MSRA: variants seen among roughly 807,000 people sequenced by gnomAD.
The protein encoded by MSRA is mitochondrial peptide methionine sulfoxide reductase.
MSRA carries 54 observed loss-of-function variants against 31.3 expected under a neutral mutation model. That is an observed-to-expected ratio of 1.73 (90% confidence interval 1.39 to 2.17). MSRA has a LOEUF of 2.17. MSRA is among the 30% of genes most tolerant of loss of function. The probability of loss-of-function intolerance (pLI) is 0.00; values close to 1 mark genes in which losing one functional copy is unlikely to be tolerated. For missense variants in MSRA, 507 were observed against 300.9 expected (o/e 1.69, Z -5.07); for synonymous variants, 169 against 116.5 (o/e 1.45, Z -2.90).
chr8:10,238,587 G>T (rs996672099), intron 2 of MSRA, among the ~76,000 whole-genome samples: 1 of 152,164 alleles, frequency 6.6e-6, no homozygotes, highest in Non-Finnish European at 1.5e-5. Flanking sequence ...TGAATGGAGC[G>T]TAACAGAAAG....
chr8:10,127,019 G>A (rs1437382535), intron 1 of MSRA, among the ~76,000 whole-genome samples: 1 of 152,216 alleles, frequency 6.6e-6, no homozygotes, highest in Non-Finnish European at 1.5e-5. Context: ...GCTAGGGGTT[G>A]GGGACCCCTG....
intron 1 of MSRA, among the ~76,000 whole-genome samples, chr8:10,156,727 T>C (rs1804185055): frequency 6.6e-6 from 1 of 151,996 alleles, no homozygotes; most frequent in Admixed American, 6.6e-5. Flanking sequence ...TCACTTCTTT[T>C]GACCAGTGGT....
At chr8:10,107,370 C>T (rs1037836998) in intron 1 of MSRA, among the ~76,000 whole-genome samples, 3 of 151,844 alleles carry the variant, frequency 2.0e-5, no homozygotes, top group African/African-American at 7.3e-5. Context: ...GTAACCAAAC[C>T]GATGAAAATC....
intron 5 of MSRA, among the ~76,000 whole-genome samples, chr8:10,418,644 G>A (rs1037457098): frequency 2.0e-5 from 3 of 151,958 alleles, no homozygotes; most frequent in East Asian, 1.9e-4. Context: ...ACTATTGTAC[G>A]TTCAGGTTCC....
At chr8:10,141,987 T>G (rs913134879) in intron 1 of MSRA, among the ~76,000 whole-genome samples, 1 of 152,162 alleles carries the variant, frequency 6.6e-6, no homozygotes, top group Non-Finnish European at 1.5e-5. Context: ...AGATGGAGTT[T>G]CGCACTTGTT....
intron 5 of MSRA, among the ~76,000 whole-genome samples, chr8:10,390,689 T>A (rs1447455241): frequency 6.6e-6 from 1 of 152,150 alleles, no homozygotes; most frequent in Admixed American, 6.5e-5. Flanking sequence ...GCCGCATTGT[T>A]TCTGTGTGTA....
intron 1 of MSRA, among the ~76,000 whole-genome samples, chr8:10,190,564 C>T (rs1431374702): frequency 6.6e-6 from 1 of 152,246 alleles, no homozygotes; most frequent in Admixed American, 6.5e-5. Context: ...TTCTCCAAGA[C>T]ATCTGAGTCC....
intron 1 of MSRA, among the ~76,000 whole-genome samples, chr8:10,093,728 A>T (rs984398370): frequency 6.6e-6 from 1 of 152,086 alleles, no homozygotes. Flanking sequence ...ATATTTCTTC[A>T]TTGATTTGAT....
At chr8:10,201,699 C>T (rs1808516761) in intron 1 of MSRA, among the ~76,000 whole-genome samples, 1 of 152,256 alleles carries the variant, frequency 6.6e-6, no homozygotes, top group Non-Finnish European at 1.5e-5. Context: ...TCAGTATCAT[C>T]TTCTTAAGCT....
At chr8:10,087,152 G>A (rs1798603429) in intron 1 of MSRA, among the ~76,000 whole-genome samples, 1 of 152,118 alleles carries the variant, frequency 6.6e-6, no homozygotes, top group African/African-American at 2.4e-5. Flanking sequence ...CATCTTGAGG[G>A]TTGGAGCCTT....
At chr8:10,241,833 C>G (rs1409836954) in intron 2 of MSRA, among the ~76,000 whole-genome samples, 1 of 152,198 alleles carries the variant, frequency 6.6e-6, no homozygotes, top group African/African-American at 2.4e-5. Context: ...AAGTTGTCCT[C>G]TGAGGACGGT....
At chr8:10,423,570 C>T (rs533424289) in intron 5 of MSRA, among the ~76,000 whole-genome samples, 2 of 152,262 alleles carry the variant, frequency 1.3e-5, no homozygotes, top group African/African-American at 2.4e-5. Flanking sequence ...AGTCTTCGTC[C>T]CCTATCTCCC....
chr8:10,379,688 C>T (rs900049875), intron 5 of MSRA, among the ~76,000 whole-genome samples: 11 of 152,136 alleles, frequency 7.2e-5, no homozygotes, highest in East Asian at 3.9e-4. Flanking sequence ...TCTGGGGCCA[C>T]GTACATAACA....
rs192279023 is a variant in MSRA, at chr8:10,123,467, T to G, written c.142+68809T>G. Reference sequence around the variant, plus strand: ...AAAAATTTTCTCCCATTCTGTAGGTTGTCTGTTTACTCTGTTGATAGTTTC... The same window carrying G: ...AAAAATTTTCTCCCATTCTGTAGGTGGTCTGTTTACTCTGTTGATAGTTTC... On this transcript the variant is annotated intron_variant, in intron 1 of 5. Transcript: ENST00000317173. 5.2e-4 allele frequency among the ~76,000 whole-genome samples: 79 copies of G among 152,346 alleles called. 1 individual carries two copies. The highest frequency in any genetic ancestry group is 1.7e-3 in the African/African-American group (70 of 41,592).
intron 3 of MSRA, among the ~76,000 whole-genome samples, chr8:10,286,059 G>A (rs1392328165): frequency 2.0e-5 from 3 of 152,104 alleles, no homozygotes; most frequent in Non-Finnish European, 2.9e-5. Context: ...TTCTGATACT[G>A]TGGGCACTGG....
At chr8:10,151,428 G>C (rs960614380) in intron 1 of MSRA, among the ~76,000 whole-genome samples, 1 of 152,108 alleles carries the variant, frequency 6.6e-6, no homozygotes, top group Non-Finnish European at 1.5e-5. Flanking sequence ...CGGATCATGA[G>C]GTCAGGATAT....
At chr8:10,289,377 T>A (rs1800111039) in intron 3 of MSRA, among the ~76,000 whole-genome samples, 1 of 152,102 alleles carries the variant, frequency 6.6e-6, no homozygotes, top group Admixed American at 6.6e-5. Flanking sequence ...GATAGGCATA[T>A]TATCTTGTGT....
Position 10,284,210 on chromosome 8 carries a change from A to G in MSRA, c.332-17324A>G, listed in dbSNP as rs370727652. ...ATTATTATTATTACTTTTTTTTGAGACAGAGTTTTACTCTTGTTCCCGGGA... is the reference window on the plus strand; with the variant it reads ...ATTATTATTATTACTTTTTTTTGAGGCAGAGTTTTACTCTTGTTCCCGGGA... On this transcript the variant is annotated intron_variant, in intron 3 of 5. Transcript: ENST00000317173. 7.9e-5 allele frequency among the ~76,000 whole-genome samples: 12 copies of G among 152,088 alleles called. No homozygotes were observed. The South Asian group carries it at 2.3e-3, about 29-fold the overall frequency.
intron 1 of MSRA, among the ~76,000 whole-genome samples, chr8:10,069,985 T>G (rs1797651637): frequency 6.6e-6 from 1 of 152,172 alleles, no homozygotes; most frequent in South Asian, 2.1e-4. Context: ...GCACGTGGTA[T>G]GTATATGGTA....
Sources: gnomAD v4.1 joint callset for allele counts (sites outside exome capture counted in the v4.1 genomes callset) on GRCh38, gnomAD v4.1.1 for gene constraint, MANE v1.5 for transcripts, NCBI Gene and HGNC (gene_info 2026-07-23, HGNC 2026-07-21) for gene names.